The following MACROD2 variants were observed in gnomAD, a reference collection of about 807,000 sequenced individuals.
MACROD2 encodes ADP-ribose glycohydrolase MACROD2.
MACROD2 carries 36 observed loss-of-function variants against 70.4 expected under a neutral mutation model. The ratio of observed to expected loss-of-function variants is 0.51; its 90% CI spans 0.39 to 0.68. MACROD2 has a LOEUF of 0.68. MACROD2 is among the 30% of genes least tolerant of loss of function. The pLI, the probability that MACROD2 is intolerant of heterozygous loss-of-function variation, is 0.00. For synonymous variants in MACROD2, 172 were observed against 178.8 expected, an observed-to-expected ratio of 0.96 and a Z score of 0.30; for missense variants, 496 against 538.4, an observed-to-expected ratio of 0.92 and a Z score of 0.78.
intron 4 of MACROD2, among the ~76,000 whole-genome samples, chr20:14,518,357 T>C (rs2085126394): frequency 6.6e-6 from 1 of 152,152 alleles, no homozygotes; most frequent in South Asian, 2.1e-4. Flanking sequence ...CACAATATTT[T>C]TACAAATTAT....
chr20:15,244,032 G>C (rs1024402067), intron 6 of MACROD2, among the ~76,000 whole-genome samples: 1 of 152,122 alleles, frequency 6.6e-6, no homozygotes, highest in Non-Finnish European at 1.5e-5. Context: ...TATTAAATAT[G>C]AAGATAATAA....
intron 4 of MACROD2, among the ~76,000 whole-genome samples, chr20:14,498,641 T>A (rs1160455294): frequency 2.0e-5 from 3 of 152,214 alleles, no homozygotes; most frequent in African/African-American, 7.2e-5. Context: ...TTGGATGTCT[T>A]CTTTAAAAGG....
At chr20:14,863,669 G>A (rs368810806) in intron 5 of MACROD2, among the ~76,000 whole-genome samples, 1 of 152,022 alleles carries the variant, frequency 6.6e-6, no homozygotes, top group African/African-American at 2.4e-5. Context: ...ATCATGCATA[G>A]AGATTCTATT....
Position 14,941,634 on chromosome 20 carries a change from A to G in MACROD2, c.418+256675A>G, listed in dbSNP as rs1368457857. The stretch of plus-strand genomic sequence containing the variant: ...TCTCCTCATATTTTAGTTCTAGGGT[A>G]TTGCTGGTAAAAAACTAGGTGCTAT... On this transcript the variant is annotated intron_variant, in intron 5 of 17. Transcript: ENST00000684519. Among the ~76,000 whole-genome samples, 2 of 152,034 alleles carry G rather than the reference A, an allele frequency of 1.3e-5. 1 individual carries two copies. The highest frequency in any genetic ancestry group is 3.9e-4 in the East Asian group (2 of 5,180).
intron 5 of MACROD2, among the ~76,000 whole-genome samples, chr20:14,832,034 GTTTTTTTT>G (rs1180071947): frequency 1.4e-4 from 9 of 63,674 alleles, no homozygotes; most frequent in African/African-American, 4.3e-4. Flanking sequence ...GCCTTTGCGA[GTTTTTTTT>G]TTTTTTTTTT....
At chr20:14,567,350 T>A (rs1568674604) in intron 4 of MACROD2, among the ~76,000 whole-genome samples, 1 of 152,054 alleles carries the variant, frequency 6.6e-6, no homozygotes, top group Non-Finnish European at 1.5e-5. Flanking sequence ...TAATGGGATG[T>A]GGAGGATGTC....
chr20:14,575,522 G>C (rs1980538355), intron 4 of MACROD2, among the ~76,000 whole-genome samples: 1 of 152,150 alleles, frequency 6.6e-6, no homozygotes, highest in Admixed American at 6.5e-5. Flanking sequence ...GGAATGCCCA[G>C]GGGTCCCTGG....
intron 4 of MACROD2, among the ~76,000 whole-genome samples, chr20:14,497,619 A>G (rs919338188): frequency 6.6e-6 from 1 of 151,668 alleles, no homozygotes; most frequent in Non-Finnish European, 1.5e-5. Context: ...TGTTTATGGG[A>G]TGTGCTTCCT....
chr20:14,805,954 C>T (rs893081523), intron 5 of MACROD2, among the ~76,000 whole-genome samples: 1 of 152,016 alleles, frequency 6.6e-6, no homozygotes, highest in Admixed American at 6.6e-5. Flanking sequence ...CATCTCTTTG[C>T]TTCTGTTCCT....
chr20:14,423,831 C>G (rs1219263642), intron 3 of MACROD2, among the ~76,000 whole-genome samples: 1 of 127,188 alleles, frequency 7.9e-6, no homozygotes, highest in African/African-American at 2.9e-5. Flanking sequence ...GGCGGGATCT[C>G]GGCTCACCGC....
rs1325319685 is a variant in MACROD2, at chr20:14,326,574, G to T, written c.272-166905G>T. 6.2e-7 allele frequency: 1 copy of T among 1,613,850 alleles called. No homozygotes were observed. The highest frequency in any genetic ancestry group is 8.5e-7 in the Non-Finnish European group (1 of 1,179,854). On this transcript the variant is annotated intron_variant, in intron 3 of 17. Coordinates refer to ENST00000684519, the MANE Select transcript of MACROD2 (RefSeq NM_001351661.2). This position sits in a 1 kb window ranked among gnomAD's most constrained non-coding sequence, Gnocchi z 5.5. ...ACCAGTCACGTACCCATTTCATCTT[G>T]CACCCGCAATACCAGGGATTGTTGC...
rs142237787 is a variant in MACROD2, at chr20:15,265,329, A to T, written c.540+35268A>T. Among the ~76,000 whole-genome samples, 113 of 152,312 alleles carry T rather than the reference A, an allele frequency of 7.4e-4. 1 individual carries two copies. In the East Asian group the frequency reaches 0.02, roughly 28 times the overall value. The stretch of plus-strand genomic sequence containing the variant: ...ATTTGAGCATCAAAATGGGACTGTG[A>T]AAAGGAAATGCATTATCTGAAGGAA... On this transcript the variant is annotated intron_variant, in intron 6 of 17. Coordinates refer to ENST00000684519, the MANE Select transcript of MACROD2 (RefSeq NM_001351661.2).
intron 5 of MACROD2, among the ~76,000 whole-genome samples, chr20:15,100,540 C>A (rs1377314971): frequency 3.3e-5 from 5 of 152,140 alleles, no homozygotes; most frequent in Non-Finnish European, 7.4e-5. Context: ...AGCTGGCCAA[C>A]ACAGAATACC....
At position 14,418,633 on chromosome 20, in the gene MACROD2, T is replaced by G. The variant is rs374077567; in HGVS notation, c.272-74846T>G. On this transcript the variant is annotated intron_variant, in intron 3 of 17. Coordinates refer to ENST00000684519, the MANE Select transcript of MACROD2 (RefSeq NM_001351661.2). Reference sequence around the variant, plus strand: ...AGTTCCACAAATAGCCAACAAATAGTTGGCAAACTTTATATTCTTATTTGT... The same window carrying G: ...AGTTCCACAAATAGCCAACAAATAGGTGGCAAACTTTATATTCTTATTTGT... 2.6e-5 allele frequency among the ~76,000 whole-genome samples: 4 copies of G among 152,238 alleles called. No homozygotes were observed. The East Asian group carries it at 7.7e-4, about 29-fold the overall frequency.
intron 15 of MACROD2, among the ~76,000 whole-genome samples, chr20:16,009,946 T>C (rs187012687): frequency 5.3e-5 from 8 of 152,148 alleles, no homozygotes; most frequent in Admixed American, 1.3e-4. Context: ...AATCAGTAAC[T>C]AGAAGAAATT....
intron 8 of MACROD2, among the ~76,000 whole-genome samples, chr20:15,606,543 TA>T (rs1351703417): frequency 1.3e-5 from 2 of 152,158 alleles, no homozygotes; most frequent in Non-Finnish European, 2.9e-5. Context: ...AATCGTATGG[TA>T]TTTGTGTCCC....
intron 5 of MACROD2, among the ~76,000 whole-genome samples, chr20:14,960,621 G>A (rs975666083): frequency 6.6e-6 from 1 of 152,110 alleles, no homozygotes; most frequent in Non-Finnish European, 1.5e-5. Context: ...TCTCAGCCTA[G>A]ATCCAACTAT....
At chr20:14,508,950 T>G (rs2084999288) in intron 4 of MACROD2, among the ~76,000 whole-genome samples, 1 of 152,144 alleles carries the variant, frequency 6.6e-6, no homozygotes, top group Admixed American at 6.6e-5. Flanking sequence ...ACAACCTAAA[T>G]GTTCAATAGT....
At chr20:14,853,655 C>G (rs1030460750) in intron 5 of MACROD2, among the ~76,000 whole-genome samples, 6 of 152,038 alleles carry the variant, frequency 3.9e-5, no homozygotes, top group African/African-American at 1.2e-4. Flanking sequence ...TATTAAATGC[C>G]TTAAGAAATG....
Sources: gnomAD v4.1 joint callset for allele counts (sites outside exome capture counted in the v4.1 genomes callset) on GRCh38, gnomAD v4.1.1 for gene constraint, Gnocchi (gnomAD v3.1) non-coding constraint, MANE v1.5 for transcripts, NCBI Gene and HGNC (gene_info 2026-07-23, HGNC 2026-07-21) for gene names.